CAMKMT: variants seen among roughly 807,000 people sequenced by gnomAD.
CAMKMT encodes calmodulin-lysine N-methyltransferase.
A neutral mutation model predicts 48.0 loss-of-function variants in CAMKMT; 53 were observed. The ratio of observed to expected loss-of-function variants is 1.10; its 90% CI spans 0.89 to 1.39. CAMKMT has a LOEUF of 1.39. Among genes scored for constraint, CAMKMT ranks in the 40% most tolerant of loss-of-function variants. The probability of loss-of-function intolerance (pLI) is 0.00; values close to 1 mark genes in which losing one functional copy is unlikely to be tolerated. For synonymous variants in CAMKMT, 165 were observed against 152.3 expected, an observed-to-expected ratio of 1.08 and a Z score of -0.61; for missense variants, 428 against 402.7, an observed-to-expected ratio of 1.06 and a Z score of -0.54.
chr2:44,436,707 C>T (rs930562943), intron 3 of CAMKMT, among the ~76,000 whole-genome samples: 1 of 151,918 alleles, frequency 6.6e-6, no homozygotes, highest in Non-Finnish European at 1.5e-5. Context: ...TGTCAGTAAG[C>T]CCTATAGGTA....
chr2:44,512,174 A>G (rs1416806788), intron 3 of CAMKMT, among the ~76,000 whole-genome samples: 6 of 152,180 alleles, frequency 3.9e-5, no homozygotes, highest in African/African-American at 1.4e-4. Context: ...ATATTAGCTG[A>G]TGCTTGACCA....
intron 3 of CAMKMT, among the ~76,000 whole-genome samples, chr2:44,586,275 A>T (rs1008265515): frequency 6.6e-6 from 1 of 152,180 alleles, no homozygotes; most frequent in African/African-American, 2.4e-5. Context: ...GATTTGCTAT[A>T]CATTGCACGT....
chr2:44,646,009 C>A (rs1673710295), intron 3 of CAMKMT, among the ~76,000 whole-genome samples: 1 of 152,108 alleles, frequency 6.6e-6, no homozygotes, highest in South Asian at 2.1e-4. Context: ...CCATTATAAC[C>A]CTACATGTGT....
chr2:44,387,571 AC>A (rs1314757026), intron 2 of CAMKMT, among the ~76,000 whole-genome samples: 2 of 151,520 alleles, frequency 1.3e-5, no homozygotes, highest in Non-Finnish European at 2.9e-5. Context: ...TTGCCTGAGT[AC>A]TTTGTTTTTT....
At chr2:44,605,552 A>G (rs1265763226) in intron 3 of CAMKMT, among the ~76,000 whole-genome samples, 3 of 152,182 alleles carry the variant, frequency 2.0e-5, no homozygotes, top group African/African-American at 7.2e-5. Context: ...GAGTTTGTAT[A>G]TCATTGAAAA....
chr2:44,700,479 A>G (rs920268843), intron 3 of CAMKMT, among the ~76,000 whole-genome samples: 6 of 152,220 alleles, frequency 3.9e-5, no homozygotes, highest in African/African-American at 1.4e-4. Flanking sequence ...AGTGAGAGAC[A>G]TGCAACTATT....
At chr2:44,467,049 G>T (rs990329537) in intron 3 of CAMKMT, among the ~76,000 whole-genome samples, 1 of 152,112 alleles carries the variant, frequency 6.6e-6, no homozygotes, top group African/African-American at 2.4e-5. Context: ...CCAGGAGTTT[G>T]AGATCAGCCT....
At chr2:44,738,581 T>C (rs1679490577) in intron 7 of CAMKMT, among the ~76,000 whole-genome samples, 1 of 152,220 alleles carries the variant, frequency 6.6e-6, no homozygotes, top group South Asian at 2.1e-4. Flanking sequence ...GGCATATTTA[T>C]TGAACAGCTA....
At chr2:44,543,592 G>T (rs56205860) in intron 3 of CAMKMT, among the ~76,000 whole-genome samples, 99,879 of 151,588 alleles carry the variant, frequency 0.66, 33,891 homozygotes, top group South Asian at 0.75. Flanking sequence ...TTCTTTATGT[G>T]CCGGGTAGAG....
At chr2:44,424,164 C>T (rs943119323) in intron 3 of CAMKMT, among the ~76,000 whole-genome samples, 1 of 152,016 alleles carries the variant, frequency 6.6e-6, no homozygotes, top group Admixed American at 6.5e-5. Context: ...TATGCCACTT[C>T]TATACCTTAT....
chr2:44,475,863 G>T (rs1298670729), intron 3 of CAMKMT, among the ~76,000 whole-genome samples: 1 of 152,106 alleles, frequency 6.6e-6, no homozygotes, highest in African/African-American at 2.4e-5. Flanking sequence ...ATTCTGAAGG[G>T]GAAAGTCTGT....
chr2:44,420,771 A>T (rs1683883356), intron 3 of CAMKMT, among the ~76,000 whole-genome samples: 1 of 151,996 alleles, frequency 6.6e-6, no homozygotes, highest in Non-Finnish European at 1.5e-5. Context: ...CAGGGCTTTC[A>T]TTCAAGATAG....
rs1037193833 is a variant in CAMKMT at position 44,612,857 on chromosome 2, C to A, written c.377-91426C>A. ...CTTACTTTTCAATCCCCCTCCTTTC[C>A]TTCCTCTTTTTCTCTCTCACTCATT... On this transcript the variant is annotated intron_variant, in intron 3 of 10. Coordinates refer to ENST00000378494, the MANE Select transcript of CAMKMT (RefSeq NM_024766.5). 1.8e-4 allele frequency among the ~76,000 whole-genome samples: 27 copies of A among 152,130 alleles called. 1 individual carries two copies.
At chr2:44,487,301 C>T (rs1225769903) in intron 3 of CAMKMT, among the ~76,000 whole-genome samples, 1 of 151,592 alleles carries the variant, frequency 6.6e-6, no homozygotes, top group African/African-American at 2.4e-5. Context: ...TTTGAAGTTG[C>T]TCTTAAATCA....
At chr2:44,385,197 G>GTC (rs1216536774) in intron 2 of CAMKMT, among the ~76,000 whole-genome samples, 1 of 151,568 alleles carries the variant, frequency 6.6e-6, no homozygotes, top group Non-Finnish European at 1.5e-5. Flanking sequence ...GTCTTTTGAC[G>GTC]TCTTGGTTAG....
intron 3 of CAMKMT, among the ~76,000 whole-genome samples, chr2:44,479,259 C>T (rs1280506357): frequency 5.9e-5 from 9 of 151,916 alleles, no homozygotes; most frequent in African/African-American, 2.2e-4. Flanking sequence ...TTAATTTCAC[C>T]CTTATGCAGG....
intron 3 of CAMKMT, among the ~76,000 whole-genome samples, chr2:44,604,865 G>A (rs780101667): frequency 6.6e-6 from 1 of 152,104 alleles, no homozygotes; most frequent in Non-Finnish European, 1.5e-5. Context: ...TATGGTCTCA[G>A]AGTCAAAGAA....
rs539387588 is a variant in CAMKMT at position 44,419,478 on chromosome 2, G to A, written c.376+29173G>A. Among the ~76,000 whole-genome samples the A allele has an allele frequency of 2.2e-4, 33 of 152,334 alleles. 1 individual carries two copies. The South Asian group carries it at 6.6e-3, about 31-fold the overall frequency. On this transcript the variant is annotated intron_variant, in intron 3 of 10. Coordinates refer to ENST00000378494, the MANE Select transcript of CAMKMT (RefSeq NM_024766.5). ...CTGGAAGAGGAAAGAAGGCAGCAGT[G>A]AGCCAAAGGATGTTCGCAGCTTCTA... is the stretch of plus-strand genomic sequence containing the variant.
chr2:44,481,421 A>G (rs375094543), intron 3 of CAMKMT, among the ~76,000 whole-genome samples: 7 of 152,198 alleles, frequency 4.6e-5, no homozygotes, highest in African/African-American at 1.7e-4. Context: ...AAGGCTCTTC[A>G]GGTCATCTGT....
Sources: allele counts gnomAD v4.1 joint callset (sites outside exome capture counted in the v4.1 genomes callset), GRCh38; gene constraint gnomAD v4.1.1; transcripts MANE v1.5; gene names NCBI Gene and HGNC (gene_info 2026-07-23, HGNC 2026-07-21).